Variants in ANKRD45 observed in about 807,000 individuals in gnomAD.
ANKRD45 encodes ankyrin repeat domain 45.
A neutral mutation model predicts 28.1 loss-of-function variants in ANKRD45; 21 were observed. The ratio of observed to expected loss-of-function variants is 0.75; its 90% CI spans 0.53 to 1.08. The LOEUF (loss-of-function observed/expected upper bound fraction) is 1.08, where lower values mean the gene tolerates loss of function less well. Among genes scored for constraint, ANKRD45 ranks in the 50% least tolerant of loss-of-function variants. The pLI, the probability that ANKRD45 is intolerant of heterozygous loss-of-function variation, is 0.00. For missense variants in ANKRD45, 261 were observed against 308.7 expected, an observed-to-expected ratio of 0.85 and a Z score of 1.16; for synonymous variants, 86 against 103.9, an observed-to-expected ratio of 0.83 and a Z score of 1.05.
At chr1:173,695,987 C>T in the ANKRD45 span, among the ~76,000 whole-genome samples, 1 of 152,152 alleles carries the variant, frequency 6.6e-6, no homozygotes, top group African/African-American at 2.4e-5. Flanking sequence ...ATTTTAATTT[C>T]ACCCTGGTAC....
At chr1:173,639,157 T>C (rs1297153283) in intron 3 of ANKRD45, among the ~76,000 whole-genome samples, 2 of 152,180 alleles carry the variant, frequency 1.3e-5, no homozygotes, top group East Asian at 3.8e-4. Flanking sequence ...GCGTGGCACA[T>C]ACAGTTAGAA....
chr1:173,669,451 C>G (rs1358485782), intron 1 of ANKRD45: 1 of 455,234 alleles, frequency 2.2e-6, no homozygotes, highest in Non-Finnish European at 4.4e-6. Context: ...AGGAGAAGGA[C>G]CCCAAGGGCA....
At chr1:173,610,975 C>A (rs1220775182) in intron 5 of ANKRD45, among the ~76,000 whole-genome samples, 1 of 152,110 alleles carries the variant, frequency 6.6e-6, no homozygotes, top group Admixed American at 6.5e-5. Flanking sequence ...TTCTCTCCCA[C>A]CCCAAAGCCT....
At chr1:173,701,070 G>T in the ANKRD45 span, among the ~76,000 whole-genome samples, 2 of 152,242 alleles carry the variant, frequency 1.3e-5, no homozygotes, top group Admixed American at 1.3e-4. Flanking sequence ...ATGAAAAAAT[G>T]CTCATCATCA....
At chr1:173,699,181 TA>T in the ANKRD45 span, among the ~76,000 whole-genome samples, 1 of 152,150 alleles carries the variant, frequency 6.6e-6, no homozygotes, top group Non-Finnish European at 1.5e-5. Flanking sequence ...CAATAATTAA[TA>T]GCCTACCAAC....
At chr1:173,667,514 C>T (rs1670074204) in intron 1 of ANKRD45, among the ~76,000 whole-genome samples, 1 of 151,856 alleles carries the variant, frequency 6.6e-6, no homozygotes, top group Non-Finnish European at 1.5e-5. Flanking sequence ...CCAGCCTGGC[C>T]AATATGGTGA....
At chr1:173,694,534 TTTATTATTA>T in the ANKRD45 span, among the ~76,000 whole-genome samples, 6,913 of 144,052 alleles carry the variant, frequency 0.048, 495 homozygotes, top group African/African-American at 0.16. Flanking sequence ...ACTTAAGAAG[TTTATTATTA>T]TTATTATTAT....
chr1:173,609,329 G>A lies in ANKRD45; in HGVS notation c.*816C>T, dbSNP rs1667048563. Among the ~76,000 whole-genome samples the A allele has an allele frequency of 6.6e-6, 1 of 152,158 alleles. No homozygotes were observed. Among genetic ancestry groups the A allele is most frequent in the African/African-American group, 2.4e-5 (1 of 41,440 alleles). Reference sequence around the variant, plus strand: ...AAAGCCATAAGAACGAACAATAAGTGCTTTTTAAAAACCATCTTCTTTTCT... The same window carrying A: ...AAAGCCATAAGAACGAACAATAAGTACTTTTTAAAAACCATCTTCTTTTCT... On this transcript the variant is annotated 3_prime_UTR_variant, in exon 6 of 6. Coordinates refer to ENST00000333279, the MANE Select transcript of ANKRD45 (RefSeq NM_198493.3).
the ANKRD45 span, among the ~76,000 whole-genome samples, chr1:173,682,682 A>AGTACAC: frequency 2.0e-3 from 194 of 95,302 alleles, 2 homozygotes; most frequent in East Asian, 7.6e-3. Flanking sequence ...AGGCCTTTTA[A>AGTACAC]ATACACACAC....
At chr1:173,637,407 T>C (rs1238227550) in intron 3 of ANKRD45, among the ~76,000 whole-genome samples, 1 of 152,246 alleles carries the variant, frequency 6.6e-6, no homozygotes, top group Non-Finnish European at 1.5e-5. Flanking sequence ...ATATACTCTG[T>C]TCTTAGCTCC....
the ANKRD45 span, among the ~76,000 whole-genome samples, chr1:173,696,020 T>C: frequency 4.4e-4 from 67 of 152,334 alleles, no homozygotes; most frequent in Non-Finnish European, 5.1e-4. Flanking sequence ...TGCCTTGTGA[T>C]ATTTTATTGC....
chr1:173,659,770 A>G (rs1669699169), intron 1 of ANKRD45, among the ~76,000 whole-genome samples: 1 of 152,198 alleles, frequency 6.6e-6, no homozygotes, highest in Non-Finnish European at 1.5e-5. Context: ...ACTTGCCTAA[A>G]TAAGGGTCCT....
At chr1:173,627,782 G>A (rs1408669173) in intron 3 of ANKRD45, among the ~76,000 whole-genome samples, 1 of 152,002 alleles carries the variant, frequency 6.6e-6, no homozygotes, top group Non-Finnish European at 1.5e-5. Flanking sequence ...CACCTAGTGA[G>A]ACACCAGCCT....
intron 1 of ANKRD45, chr1:173,667,739 T>A: frequency 2.3e-6 from 1 of 432,428 alleles, no homozygotes; most frequent in Non-Finnish European, 4.5e-6. Context: ...AAACTACCAC[T>A]TGCAGAGTTT....
chr1:173,663,054 A>AACACACACACACACACACACACACAC (rs60072209), intron 1 of ANKRD45, among the ~76,000 whole-genome samples: 1 of 140,248 alleles, frequency 7.1e-6, no homozygotes, highest in African/African-American at 2.6e-5. Flanking sequence ...CCACCCTTCC[A>AACACACACACACACACACACACACAC]ACACACACAC....
intron 5 of ANKRD45, among the ~76,000 whole-genome samples, chr1:173,623,729 A>T (rs981218381): frequency 2.0e-5 from 3 of 152,176 alleles, no homozygotes; most frequent in African/African-American, 7.2e-5. Context: ...TCAATGATAG[A>T]CTGGGTAAAG....
chr1:173,640,307 C>CA (rs1293326028), intron 3 of ANKRD45, among the ~76,000 whole-genome samples: 1 of 152,004 alleles, frequency 6.6e-6, no homozygotes, highest in East Asian at 1.9e-4. Context: ...ACACCAGCAC[C>CA]AACCCAGGGA....
the ANKRD45 span, among the ~76,000 whole-genome samples, chr1:173,709,301 A>G: frequency 6.6e-6 from 1 of 152,160 alleles, no homozygotes; most frequent in Non-Finnish European, 1.5e-5. Context: ...TTCCTCTCTG[A>G]TGGCCAGAAG....
At chr1:173,623,594 C>T (rs1268691926) in intron 5 of ANKRD45, among the ~76,000 whole-genome samples, 1 of 152,130 alleles carries the variant, frequency 6.6e-6, no homozygotes, top group African/African-American at 2.4e-5. Context: ...TTTGACCCAG[C>T]AATCCCGTTA....
Sources: gnomAD v4.1 joint callset for allele counts (sites outside exome capture counted in the v4.1 genomes callset) on GRCh38, gnomAD v4.1.1 for gene constraint, MANE v1.5 for transcripts, NCBI Gene and HGNC (gene_info 2026-07-23, HGNC 2026-07-21) for gene names.